TFDP2: variants seen among roughly 807,000 people sequenced by gnomAD.
TFDP2 encodes the protein transcription factor Dp-2 (E2F dimerization partner 2).
In TFDP2, 17 loss-of-function variants were observed where a neutral mutation model predicts 59.3. The observed-to-expected ratio is 0.29, with a 90% CI of 0.20 to 0.43. The LOEUF (loss-of-function observed/expected upper bound fraction) is 0.43. Ranked by LOEUF, TFDP2 falls within the 20% of genes least tolerant of loss-of-function variation. The pLI is 1.00. For missense variants in TFDP2, 391 were observed against 528.8 expected (o/e 0.74, Z 2.56); for synonymous variants, 180 against 194.7 (o/e 0.92, Z 0.63).
intron 4 of TFDP2, among the ~76,000 whole-genome samples, chr3:141,999,737 CTTTT>C (rs1016787088): frequency 7.1e-6 from 1 of 140,160 alleles, no homozygotes. Flanking sequence ...GCAAGAATTC[CTTTT>C]TTTTTTTTTT....
chr3:141,969,950 G>A (rs1203248195), intron 9 of TFDP2, 123 bp downstream of exon 9: 3 of 893,938 alleles, frequency 3.4e-6, no homozygotes, highest in African/African-American at 1.6e-5. Context: ...AGGTGAGAGA[G>A]GCTGCCCTGG....
rs1461116532 is a variant in TFDP2 at position 141,951,500 on chromosome 3, AAC to A, written c.*1011_*1012del. The A allele has an allele frequency of 6.6e-6, 1 of 152,656 alleles. No homozygotes were observed. Among genetic ancestry groups the A allele is most frequent in the Non-Finnish European group, 1.5e-5 (1 of 68,040 alleles). 9.5% of individuals were successfully genotyped at this position (152,656 alleles called of 1,614,324 possible). A position where few individuals can be genotyped will look rare whatever the true frequency, so the allele number is the denominator to read the frequency against. ...TGAAAAAAGGTGACATGTACAAGGA[AAC>A]ACTGCTGTTCATATTCTTGAAATAG... On this transcript the variant is annotated 3_prime_UTR_variant, in exon 13 of 13. Transcript: ENST00000489671.
chr3:142,115,248 T>G (rs930199181), intron 1 of TFDP2, among the ~76,000 whole-genome samples: 2 of 151,948 alleles, frequency 1.3e-5, no homozygotes, highest in Non-Finnish European at 2.9e-5. Flanking sequence ...ACCTCAAATA[T>G]CATTTCTAAA....
At chr3:141,956,184 GA>G (rs992787271) in intron 11 of TFDP2, among the ~76,000 whole-genome samples, 13 of 152,156 alleles carry the variant, frequency 8.5e-5, no homozygotes, top group African/African-American at 3.1e-4. Flanking sequence ...CTAAATTAGT[GA>G]AAAAAATCTT....
chr3:142,066,165 G>C (rs1372193501), intron 3 of TFDP2, among the ~76,000 whole-genome samples: 1 of 152,132 alleles, frequency 6.6e-6, no homozygotes, highest in Non-Finnish European at 1.5e-5. Context: ...TCTCTCAGTA[G>C]AACTCTGAAT....
At chr3:142,110,155 A>T (rs946617010) in intron 1 of TFDP2, among the ~76,000 whole-genome samples, 2 of 152,130 alleles carry the variant, frequency 1.3e-5, no homozygotes, top group African/African-American at 2.4e-5. Flanking sequence ...AAGTGCTGGG[A>T]TTACAAGCAT....
At chr3:142,027,061 T>C (rs1946147186) in intron 3 of TFDP2, among the ~76,000 whole-genome samples, 1 of 112,472 alleles carries the variant, frequency 8.9e-6, no homozygotes, top group African/African-American at 3.7e-5. Context: ...ACCTACTGTC[T>C]AGTGATAAAC....
chr3:141,969,952 C>G, intron 9 of TFDP2, 121 bp downstream of exon 9: 1 of 910,844 alleles, frequency 1.1e-6, no homozygotes, highest in South Asian at 1.4e-5. Flanking sequence ...GTGAGAGAGG[C>G]TGCCCTGGCG....
At chr3:142,117,025 G>A (rs554148841) in intron 1 of TFDP2, among the ~76,000 whole-genome samples, 9 of 152,082 alleles carry the variant, frequency 5.9e-5, no homozygotes, top group South Asian at 4.1e-4. Context: ...AAGCTCAAGC[G>A]ATTCTCCTGC....
At chr3:142,079,140 T>C (rs1017076074) in intron 3 of TFDP2, among the ~76,000 whole-genome samples, 1 of 151,840 alleles carries the variant, frequency 6.6e-6, no homozygotes, top group African/African-American at 2.4e-5. Context: ...CCATCTCTAC[T>C]AAAAATACAA....
Position 141,947,032 on chromosome 3 carries a change from G to GA in TFDP2, c.*5480dup, listed in dbSNP as rs569866096. On this transcript the variant is annotated 3_prime_UTR_variant, in exon 13 of 13. Transcript: ENST00000489671. Reference sequence around the variant, plus strand: ...ACAGAGCAAGACTCCATCTCGAGGGGAAAAAAAATATTATGCAAACATCAG... The same window carrying GA: ...ACAGAGCAAGACTCCATCTCGAGGGGAAAAAAAAATATTATGCAAACATCAG... The GA allele has an allele frequency of 1.1e-3, 160 of 151,950 alleles. No homozygotes were observed. Among genetic ancestry groups the GA allele is most frequent in the Middle Eastern group, 6.6e-3 (2 of 302 alleles). The allele number at this position is 151,950 out of a possible 1,614,324, so 9.4% of individuals were successfully genotyped here.
At chr3:141,974,623 C>T (rs1050305558) in intron 7 of TFDP2, among the ~76,000 whole-genome samples, 11 of 152,014 alleles carry the variant, frequency 7.2e-5, no homozygotes, top group Non-Finnish European at 1.3e-4. Context: ...GAATACAGAA[C>T]TTAATATACA....
In TFDP2 at chr3:142,086,105, G is replaced by A. The variant is rs543841966; in HGVS notation, c.82+6956C>T. On this transcript the variant is annotated intron_variant, in intron 3 of 12. Coordinates refer to ENST00000489671, the MANE Select transcript of TFDP2 (RefSeq NM_001178139.2). ...GAACTTACTGCCTCTCTCTCTTCAG[G>A]ATCACCTCCACTTCTAGTTTTGTCT... 2.1e-3 allele frequency among the ~76,000 whole-genome samples: 318 copies of A among 152,030 alleles called. 5 individuals are homozygous for A. The highest frequency in any genetic ancestry group is 7.5e-3 in the African/African-American group (309 of 41,450).
chr3:141,968,365 CATAT>C (rs1223038281), intron 9 of TFDP2, among the ~76,000 whole-genome samples: 1 of 86,606 alleles, frequency 1.2e-5, no homozygotes, highest in Non-Finnish European at 2.5e-5. Context: ...ACATATATCT[CATAT>C]ATAACATATA....
At position 141,977,797 on chromosome 3, in the gene TFDP2, G is replaced by A. The variant is rs182600504; in HGVS notation, c.519+723C>T. Among the ~76,000 whole-genome samples, 135 of 151,610 alleles carry A rather than the reference G, an allele frequency of 8.9e-4. 1 individual carries two copies. Among genetic ancestry groups the A allele is most frequent in the African/African-American group, 3.2e-3 (132 of 41,410 alleles). ...GCGATCTTGGCTTACTGCAACCTCCGCCTCCCAGGTTCAAGCAATTCTCCT... is the reference window on the plus strand; with the variant it reads ...GCGATCTTGGCTTACTGCAACCTCCACCTCCCAGGTTCAAGCAATTCTCCT... On this transcript the variant is annotated intron_variant, in intron 7 of 12. Transcript: ENST00000489671.
intron 3 of TFDP2, among the ~76,000 whole-genome samples, chr3:142,012,015 C>CTTTTTTTTTT (rs1248723479): frequency 1.4e-5 from 2 of 138,240 alleles, no homozygotes; most frequent in Non-Finnish European, 3.1e-5. Context: ...TTCTTTCTTT[C>CTTTTTTTTTT]TTTTTTTTTT....
chr3:142,075,906 C>CAAAAAAAAAAAAAAAAAAA (rs60581045), intron 3 of TFDP2, among the ~76,000 whole-genome samples: 11 of 80,702 alleles, frequency 1.4e-4, no homozygotes, highest in African/African-American at 5.4e-4. Flanking sequence ...GAACCTGCCT[C>CAAAAAAAAAAAAAAAAAAA]AAAAAAAAAA....
intron 6 of TFDP2, among the ~76,000 whole-genome samples, chr3:141,984,459 C>T (rs552993911): frequency 3.3e-5 from 5 of 152,068 alleles, no homozygotes; most frequent in Admixed American, 6.6e-5. Flanking sequence ...ATCACGCCAC[C>T]GTACACGCCT....
In TFDP2 at chr3:141,978,631, T is replaced by G. The variant is rs1411409709; in HGVS notation, c.408A>C (p.Ser136=). 6.8e-6 allele frequency: 11 copies of G among 1,613,188 alleles called. No individual in the cohort carries two copies. In the Admixed American group the frequency reaches 1.8e-4, roughly 27 times the overall value. Residue 136 remains serine (S), a synonymous_variant, in exon 7 of 13, where the codon TCA becomes TCC. Transcript: ENST00000489671. The stretch of plus-strand genomic sequence containing the variant: ...GTTGAACTTTCTCACACACTTTCAT[T>G]GAAAAGTGTCTCAAGCCTTTCCCAT... ...DKNGKGLRHF[S]MKVCEKVQRK...
Sources: allele counts gnomAD v4.1 joint callset (sites outside exome capture counted in the v4.1 genomes callset), GRCh38; gene constraint gnomAD v4.1.1; transcripts MANE v1.5; gene names NCBI Gene and HGNC (gene_info 2026-07-23, HGNC 2026-07-21).